TLK2: variants seen among roughly 807,000 people sequenced by gnomAD.
The protein encoded by TLK2 is serine/threonine-protein kinase tousled-like 2.
In TLK2, 6 loss-of-function variants were observed where a neutral mutation model predicts 117.3. That is an observed-to-expected ratio of 0.05 (90% CI 0.03 to 0.10). The LOEUF (loss-of-function observed/expected upper bound fraction) is 0.10, where lower values mean the gene tolerates loss of function less well. TLK2 is among the 10% of genes least tolerant of loss of function. TLK2 has a pLI of 1.00. For synonymous variants in TLK2, 257 were observed against 316.7 expected (o/e 0.81, Z 2.00); for missense variants, 299 against 901.2 (o/e 0.33, Z 8.56).
At chr17:62,607,776 C>T (rs1408792916) in intron 20 of TLK2, among the ~76,000 whole-genome samples, 1 of 152,140 alleles carries the variant, frequency 6.6e-6, no homozygotes, top group Non-Finnish European at 1.5e-5. Context: ...CAAAGCTTAG[C>T]AGAGCATTAG....
intron 21 of TLK2, chr17:62,612,005 G>GCCA (rs1419774158): frequency 1.9e-5 from 3 of 157,130 alleles, no homozygotes; most frequent in African/African-American, 7.2e-5. Flanking sequence ...TTCACATGAG[G>GCCA]CCATGGTTTG....
At chr17:62,472,968 T>A (rs1351622379) in intron 1 of TLK2, among the ~76,000 whole-genome samples, 1 of 152,078 alleles carries the variant, frequency 6.6e-6, no homozygotes, top group Admixed American at 6.6e-5. Context: ...AGACCCCAAA[T>A]TCACACACCA....
upstream of TLK2, among the ~76,000 whole-genome samples, chr17:62,475,492 A>C (rs1398613639): frequency 6.7e-6 from 1 of 150,138 alleles, no homozygotes; most frequent in Non-Finnish European, 1.5e-5. Context: ...ACAGGTGCCC[A>C]CCACCACGCT....
At chr17:62,482,457 T>TG (rs1056934446) in intron 2 of TLK2, among the ~76,000 whole-genome samples, 7 of 150,966 alleles carry the variant, frequency 4.6e-5, no homozygotes, top group African/African-American at 1.7e-4. Flanking sequence ...GGTTTTGTTT[T>TG]TTTTTTTTTT....
intron 16 of TLK2, among the ~76,000 whole-genome samples, chr17:62,591,246 TAAAA>T: frequency 6.6e-6 from 1 of 151,744 alleles, no homozygotes; most frequent in East Asian, 1.9e-4. Context: ...AAGACTGTCT[TAAAA>T]AAAGAAAAGA....
chr17:62,540,056 C>CTTCTTCTTTCTCCT (rs1307177253), intron 7 of TLK2, among the ~76,000 whole-genome samples: 1 of 150,452 alleles, frequency 6.6e-6, no homozygotes, highest in African/African-American at 2.4e-5. Context: ...TCCTCTTCCT[C>CTTCTTCTTTCTCCT]TTCTTCTTTC....
chr17:62,496,956 CAAA>C (rs1156828880), intron 2 of TLK2, among the ~76,000 whole-genome samples: 3 of 43,404 alleles, frequency 6.9e-5, no homozygotes. Context: ...GACTCCATCT[CAAA>C]AAAAAAAAAA....
chr17:62,494,081 A>G (rs1440140147), intron 2 of TLK2, among the ~76,000 whole-genome samples: 1 of 151,776 alleles, frequency 6.6e-6, no homozygotes, highest in Non-Finnish European at 1.5e-5. Context: ...ATTTTACTGT[A>G]TTCTATTTTG....
chr17:62,592,165 G>A (rs1450505364), intron 16 of TLK2, among the ~76,000 whole-genome samples: 1 of 151,748 alleles, frequency 6.6e-6, no homozygotes, highest in African/African-American at 2.4e-5. Context: ...CTCCACGTTG[G>A]TCAGGCTGGT....
chr17:62,513,934 G>C (rs956062610), intron 2 of TLK2, among the ~76,000 whole-genome samples: 1 of 151,626 alleles, frequency 6.6e-6, no homozygotes, highest in Non-Finnish European at 1.5e-5. Flanking sequence ...TGATCCACCC[G>C]CCTCAGTCAC....
chr17:62,497,322 A>G (rs1274327184), intron 2 of TLK2, among the ~76,000 whole-genome samples: 3 of 152,188 alleles, frequency 2.0e-5, no homozygotes, highest in African/African-American at 7.2e-5. Flanking sequence ...ACTGACTTAT[A>G]GTTAGTTGAC....
At chr17:62,526,074 A>G (rs1377091732) in intron 6 of TLK2, among the ~76,000 whole-genome samples, 4 of 152,226 alleles carry the variant, frequency 2.6e-5, no homozygotes, top group African/African-American at 9.6e-5. Flanking sequence ...GATGAACTCA[A>G]TGATCTGTAG....
chr17:62,497,224 T>C (rs2073790873), intron 2 of TLK2, among the ~76,000 whole-genome samples: 1 of 152,128 alleles, frequency 6.6e-6, no homozygotes, highest in South Asian at 2.1e-4. Context: ...GAGTTGTATA[T>C]GCACTTCCAC....
At chr17:62,595,541 A>G (rs1025010235) in intron 16 of TLK2, among the ~76,000 whole-genome samples, 1 of 148,820 alleles carries the variant, frequency 6.7e-6, no homozygotes, top group African/African-American at 2.5e-5. Context: ...GGTGATAGGA[A>G]TTTTTCACCT....
chr17:62,584,511 G>T (rs766733602), intron 15 of TLK2, among the ~76,000 whole-genome samples: 1 of 152,136 alleles, frequency 6.6e-6, no homozygotes, highest in Non-Finnish European at 1.5e-5. Context: ...TTTAAGAAAA[G>T]AAGTTCAAAA....
At chr17:62,470,928 G>C (rs1273950551), upstream of TLK2, 1 of 152,476 alleles carries the variant, frequency 6.6e-6, no homozygotes, top group Non-Finnish European at 1.5e-5. Context: ...GGAGGGGAGA[G>C]AGGGAAGGAA....
At chr17:62,608,860 G>A (rs2147296744) in intron 21 of TLK2, among the ~76,000 whole-genome samples, 1 of 152,288 alleles carries the variant, frequency 6.6e-6, no homozygotes, top group South Asian at 2.1e-4. Flanking sequence ...AACTCGTGAG[G>A]CAAAGGAAAC....
intron 7 of TLK2, among the ~76,000 whole-genome samples, chr17:62,542,721 T>A (rs2077624286): frequency 6.6e-6 from 1 of 152,222 alleles, no homozygotes; most frequent in Non-Finnish European, 1.5e-5. Flanking sequence ...CAGTTCTGGT[T>A]GTCAAGGTCT....
intron 2 of TLK2, among the ~76,000 whole-genome samples, chr17:62,483,730 T>C (rs1438014777): frequency 1.3e-5 from 2 of 152,226 alleles, no homozygotes; most frequent in African/African-American, 2.4e-5. Flanking sequence ...CTTGAACTCC[T>C]GACCTCAAAT....
Sources: gnomAD v4.1 joint callset for allele counts (sites outside exome capture counted in the v4.1 genomes callset) on GRCh38, gnomAD v4.1.1 for gene constraint, MANE v1.5 for transcripts, NCBI Gene and HGNC (gene_info 2026-07-23, HGNC 2026-07-21) for gene names.